Variants in ST3GAL4 observed in about 807,000 individuals in gnomAD.
The protein encoded by ST3GAL4 is CMP-N-acetylneuraminate-beta-galactosamide-alpha-2,3-sialyltransferase 4.
Under a neutral mutation model 42.6 loss-of-function variants are expected in ST3GAL4, and 24 were observed. The observed-to-expected ratio is 0.56, with a 90% CI of 0.41 to 0.79. ST3GAL4 has a LOEUF of 0.79. ST3GAL4 is among the 30% of genes least tolerant of loss of function. The pLI is 0.00. For synonymous variants in ST3GAL4, 135 were observed against 163.2 expected (o/e 0.83, Z 1.32); for missense variants, 311 against 430.8 (o/e 0.72, Z 2.46).
At position 126,375,550 on chromosome 11, in the gene ST3GAL4, G is replaced by T. The variant is rs4477452; in HGVS notation, c.-61+19708G>T. ...CCTCACGAGCTGTACAACCTGGGCC[G>T]GTTACTGACCCCTTTCCCACCTTAG... On this transcript the variant is annotated intron_variant, in intron 1 of 10. Coordinates refer to ENST00000444328, the MANE Select transcript of ST3GAL4 (RefSeq NM_001254757.2). Among the ~76,000 whole-genome samples the T allele has an allele frequency of 5.7e-4, 85 of 150,434 alleles. 1 individual carries two copies. Among genetic ancestry groups the T allele is most frequent in the African/African-American group, 1.6e-3 (67 of 40,872 alleles).
rs1316361 is a variant in ST3GAL4 at position 126,409,470 on chromosome 11, A to C, written c.771+59A>C. On this transcript the variant is annotated intron_variant, in intron 9 of 10. Transcript: ENST00000444328. The surrounding 1 kb of genome is among the most constrained non-coding windows in gnomAD (Gnocchi z 4.9). ...TCCTGGGCGGGAAGTAGGAGGGATG[A>C]TCCTATGGGCTTAGGAAGCCCTGGA... 5 of 1,610,090 alleles carry C rather than the reference A, an allele frequency of 3.1e-6. No individual in the cohort carries two copies. Among genetic ancestry groups the C allele is most frequent in the Admixed American group, 1.7e-5 (1 of 59,902 alleles).
chr11:126,405,826 G>C, intron 1 of ST3GAL4: 1 of 497,634 alleles, frequency 2.0e-6, no homozygotes, highest in East Asian at 3.7e-5. Flanking sequence ...GGCTGGAGTA[G>C]GCCAGCCTGG....
intron 9 of ST3GAL4, 165 bp from the exon 10 acceptor site, chr11:126,413,340 G>T: frequency 3.0e-6 from 2 of 657,944 alleles, no homozygotes; most frequent in Non-Finnish European, 2.5e-6. Context: ...TTCCTCAGCT[G>T]CACTGGCCCC....
rs2135454911 is a variant in ST3GAL4, at chr11:126,384,573, G to A, written c.-60-21523G>A. ...GGTGTCTGGTCAGGCTGAGGGATCC[G>A]TGTGCCAGCCCTTCTGGGAAGGCTG... is the stretch of plus-strand genomic sequence containing the variant. On this transcript the variant is annotated intron_variant, in intron 1 of 10. Coordinates refer to ENST00000444328, the MANE Select transcript of ST3GAL4 (RefSeq NM_001254757.2). This position sits in a 1 kb window ranked among gnomAD's most constrained non-coding sequence, Gnocchi z 5.5. Among the ~76,000 whole-genome samples, 1 of 152,212 alleles carries A rather than the reference G, an allele frequency of 6.6e-6. No individual in the cohort carries two copies. The highest frequency in any genetic ancestry group is 2.4e-5 in the African/African-American group (1 of 41,528).
intron 1 of ST3GAL4, chr11:126,375,043 G>A (rs1456288268): frequency 6.6e-6 from 1 of 152,192 alleles, no homozygotes; most frequent in African/African-American, 2.4e-5. Flanking sequence ...GTGGAAGCAG[G>A]TACAGCCCAG....
chr11:126,388,667 T>G (rs1307625395), intron 1 of ST3GAL4, among the ~76,000 whole-genome samples: 4 of 139,426 alleles, frequency 2.9e-5, no homozygotes, highest in South Asian at 4.8e-4. Flanking sequence ...CTTGTTTTTT[T>G]TTTTTTTTTT....
intron 1 of ST3GAL4, among the ~76,000 whole-genome samples, chr11:126,374,697 G>A (rs1043391721): frequency 7.2e-5 from 11 of 152,180 alleles, no homozygotes; most frequent in Non-Finnish European, 7.3e-5. Context: ...GTCTCTGTGC[G>A]TCAGAGCAAG....
intron 1 of ST3GAL4, among the ~76,000 whole-genome samples, chr11:126,370,414 T>C (rs1326265109): frequency 6.6e-6 from 1 of 152,248 alleles, no homozygotes; most frequent in African/African-American, 2.4e-5. Flanking sequence ...CAGTAAAGTA[T>C]ATATTCATAG....
intron 1 of ST3GAL4, among the ~76,000 whole-genome samples, chr11:126,371,052 C>T (rs1340472941): frequency 6.6e-6 from 1 of 150,892 alleles, no homozygotes; most frequent in Non-Finnish European, 1.5e-5. Flanking sequence ...CCAGATTTAT[C>T]AAGTGTGAAC....
intron 1 of ST3GAL4, among the ~76,000 whole-genome samples, chr11:126,387,640 C>T (rs543017463): frequency 6.7e-6 from 1 of 148,800 alleles, no homozygotes; most frequent in Admixed American, 6.8e-5. Flanking sequence ...GGCCTTTGGT[C>T]TTCAGTCTGG....
chr11:126,362,407 G>A (rs1203812195), intron 1 of ST3GAL4, among the ~76,000 whole-genome samples: 1 of 151,966 alleles, frequency 6.6e-6, no homozygotes, highest in Non-Finnish European at 1.5e-5. Context: ...CACCATGTTG[G>A]CCAAGCTGGT....
rs1954474930 is a variant in ST3GAL4 at position 126,410,456 on chromosome 11, A to G, written c.771+1045A>G. Among the ~76,000 whole-genome samples, 2 of 152,196 alleles carry G rather than the reference A, an allele frequency of 1.3e-5. No homozygotes were observed. The highest frequency in any genetic ancestry group is 2.1e-4 in the South Asian group (1 of 4,824). On this transcript the variant is annotated intron_variant, in intron 9 of 10. Coordinates refer to ENST00000444328, the MANE Select transcript of ST3GAL4 (RefSeq NM_001254757.2). This position sits in a 1 kb window ranked among gnomAD's most constrained non-coding sequence, Gnocchi z 5.3. ...TGTACTGTGTGGGGCTTGGCAGGTC[A>G]ACTGCTCAGATCCTTGTTTTTCTTG...
Position 126,359,766 on chromosome 11 carries a change from C to T in ST3GAL4, c.-61+3924C>T, listed in dbSNP as rs900356906. On this transcript the variant is annotated intron_variant, in intron 1 of 10. Coordinates refer to ENST00000444328, the MANE Select transcript of ST3GAL4 (RefSeq NM_001254757.2). This position sits in a 1 kb window ranked among gnomAD's most constrained non-coding sequence, Gnocchi z 4.8. ...CTCCTTCCCTCCTTCCCTCCTTCCC[C>T]GTGGGCCCTCCCAGCCTCCCCAGCC... Among the ~76,000 whole-genome samples the T allele has an allele frequency of 2.7e-5, 4 of 147,314 alleles. No homozygotes were observed. Among genetic ancestry groups the T allele is most frequent in the African/African-American group, 8.1e-5 (3 of 37,034 alleles).
At chr11:126,370,763 G>A (rs1259817237) in intron 1 of ST3GAL4, among the ~76,000 whole-genome samples, 1 of 150,744 alleles carries the variant, frequency 6.6e-6, no homozygotes, top group Non-Finnish European at 1.5e-5. Flanking sequence ...TGCAACCTCT[G>A]CATCCCGGGT....
chr11:126,385,263 T>G (rs920364740), intron 1 of ST3GAL4, among the ~76,000 whole-genome samples: 4 of 151,870 alleles, frequency 2.6e-5, no homozygotes, highest in African/African-American at 9.7e-5. Context: ...CACACCATTC[T>G]CCTGCCTCAG....
chr11:126,408,690 G>A (rs1954383152), intron 8 of ST3GAL4, 194 bp downstream of exon 8: 1 of 641,092 alleles, frequency 1.6e-6, no homozygotes, highest in Admixed American at 3.0e-5. Flanking sequence ...CCAGCAACTG[G>A]GTATAAAAGC....
At chr11:126,368,176 C>T (rs1016937752) in intron 1 of ST3GAL4, among the ~76,000 whole-genome samples, 1 of 151,540 alleles carries the variant, frequency 6.6e-6, no homozygotes, top group Non-Finnish European at 1.5e-5. Context: ...ATGCACAGCA[C>T]CTGCAGCACA....
Position 126,409,245 on chromosome 11 carries a change from C to T in ST3GAL4, c.628-23C>T, listed in dbSNP as rs1040787877. On this transcript the variant is annotated intron_variant, in intron 8 of 10. Transcript: ENST00000444328. The surrounding 1 kb of genome is among the most constrained non-coding windows in gnomAD (Gnocchi z 4.9). ...CAGGGCTTCACCCGCTTCTGTCTCT[C>T]TCTTCTGACCCCATCCTCCTAGGTG... is the stretch of plus-strand genomic sequence containing the variant. The T allele has an allele frequency of 6.2e-7, 1 of 1,610,228 alleles. No individual in the cohort carries two copies. The highest frequency in any genetic ancestry group is 1.1e-5 in the South Asian group (1 of 91,002).
chr11:126,372,056 A>G (rs1952673307), intron 1 of ST3GAL4, among the ~76,000 whole-genome samples: 1 of 152,218 alleles, frequency 6.6e-6, no homozygotes, highest in South Asian at 2.1e-4. Flanking sequence ...AAAATGCACA[A>G]GCACAAGGTT....
Sources: allele counts gnomAD v4.1 joint callset (sites outside exome capture counted in the v4.1 genomes callset), GRCh38; gene constraint gnomAD v4.1.1; non-coding constraint Gnocchi (gnomAD v3.1); transcripts MANE v1.5; gene names NCBI Gene and HGNC (gene_info 2026-07-23, HGNC 2026-07-21).